Variants in COMMD9 observed in about 807,000 individuals in gnomAD.
The protein encoded by COMMD9 is COMM domain containing 9, also known as COMM domain-containing protein 9.
Under a neutral mutation model 23.4 loss-of-function variants are expected in COMMD9, and 22 were observed. That is an observed-to-expected ratio of 0.94 (90% CI 0.67 to 1.34). COMMD9 has a LOEUF of 1.34. Among genes scored for constraint, COMMD9 ranks in the 40% most tolerant of loss-of-function variants. The pLI, the probability that COMMD9 is intolerant of heterozygous loss-of-function variation, is 0.00. For missense variants in COMMD9, 231 were observed against 240.2 expected (o/e 0.96, Z 0.25); for synonymous variants, 99 against 97.4 (o/e 1.02, Z -0.10).
chr11:36,285,503 T>G (rs1309605164), intron 1 of COMMD9, among the ~76,000 whole-genome samples: 1 of 152,156 alleles, frequency 6.6e-6, no homozygotes, highest in Non-Finnish European at 1.5e-5. Context: ...TAAATGATTT[T>G]ATATAGCTAC....
At chr11:36,282,816 T>C (rs1856089268) in intron 1 of COMMD9, among the ~76,000 whole-genome samples, 1 of 152,204 alleles carries the variant, frequency 6.6e-6, no homozygotes. Flanking sequence ...ATAGGCCGTC[T>C]GCAAGCTGGA....
At chr11:36,278,305 G>A in intron 3 of COMMD9, 172 bp downstream of exon 3, 1 of 605,304 alleles carries the variant, frequency 1.7e-6, no homozygotes, top group African/African-American at 1.9e-5. Context: ...TTTCCATTAA[G>A]AAAAGACTAC....
intron 1 of COMMD9, among the ~76,000 whole-genome samples, chr11:36,287,040 T>C (rs1461464746): frequency 2.0e-5 from 3 of 151,574 alleles, no homozygotes; most frequent in Non-Finnish European, 4.4e-5. Context: ...ATAGTAAGTA[T>C]GCTATATATG....
At chr11:36,283,998 C>A (rs1007871463) in intron 1 of COMMD9, among the ~76,000 whole-genome samples, 11 of 152,066 alleles carry the variant, frequency 7.2e-5, no homozygotes, top group African/African-American at 2.4e-4. Flanking sequence ...AGCAGCTACT[C>A]AGGAGGCTGA....
chr11:36,277,190 A>G (rs1855988255), intron 3 of COMMD9, 67 bp from the exon 4 acceptor site: 1 of 1,254,444 alleles, frequency 8.0e-7, no homozygotes. Context: ...TCTGATAGAG[A>G]GGGGAACTGG....
rs556747712 is a variant in COMMD9, at chr11:36,287,426, T to C, written c.51+1936A>G. ...TGTATACTACATACTATGTATATCG[T>C]GTAGTATGTATACTCTATATTATAT... On this transcript the variant is annotated intron_variant, in intron 1 of 5. Transcript: ENST00000263401. Among the ~76,000 whole-genome samples, 922 of 147,716 alleles carry C rather than the reference T, an allele frequency of 6.2e-3. 444 individuals carry two copies. The highest frequency in any genetic ancestry group is 0.021 in the African/African-American group (849 of 39,558).
At chr11:36,282,958 A>C (rs1590403811) in intron 1 of COMMD9, among the ~76,000 whole-genome samples, 1 of 152,352 alleles carries the variant, frequency 6.6e-6, no homozygotes, top group East Asian at 1.9e-4. Context: ...TGCAAGTCCC[A>C]GAGTCCAAAA....
In COMMD9 at chr11:36,287,991, A is replaced by G. The variant is rs542460744; in HGVS notation, c.51+1371T>C. ...TCTTTTAAAGTTTTTAAAAGAAAAG[A>G]GTGCATAAGACCAACAGGTATAGGG... On this transcript the variant is annotated intron_variant, in intron 1 of 5. Coordinates refer to ENST00000263401, the MANE Select transcript of COMMD9 (RefSeq NM_014186.4). Among the ~76,000 whole-genome samples, 30 of 152,308 alleles carry G rather than the reference A, an allele frequency of 2.0e-4. No individual in the cohort carries two copies. In the South Asian group the frequency reaches 6.2e-3, roughly 32 times the overall value.
chr11:36,289,309 A>G, intron 1 of COMMD9, 53 bp downstream of exon 1: 1 of 1,523,422 alleles, frequency 6.6e-7, no homozygotes. Flanking sequence ...TGCTCCGTCT[A>G]AAGTCTCGGA....
At chr11:36,288,263 T>G (rs1169601205) in intron 1 of COMMD9, among the ~76,000 whole-genome samples, 1 of 143,878 alleles carries the variant, frequency 7.0e-6, no homozygotes, top group Non-Finnish European at 1.5e-5. Context: ...AATTAAAAAA[T>G]AAATAAGTAA....
rs1164564355 is a variant in COMMD9 at position 36,272,561 on chromosome 11, G to C, written c.*2071C>G. 1.3e-5 allele frequency: 2 copies of C among 151,670 alleles called. No homozygotes were observed. Among genetic ancestry groups the C allele is most frequent in the African/African-American group, 4.9e-5 (2 of 40,914 alleles). The allele number at this position is 151,670 out of a possible 1,614,324, so 9.4% of individuals were successfully genotyped here. On this transcript the variant is annotated 3_prime_UTR_variant, in exon 6 of 6. Coordinates refer to ENST00000263401, the MANE Select transcript of COMMD9 (RefSeq NM_014186.4). Reference sequence around the variant, plus strand: ...GTGACAAATCTGAGCTCAACTGGAGGGTATGACCAGGGGCTCTCAACTTGG... The same window carrying C: ...GTGACAAATCTGAGCTCAACTGGAGCGTATGACCAGGGGCTCTCAACTTGG...
chr11:36,281,604 G>C (rs1856068085), intron 1 of COMMD9, among the ~76,000 whole-genome samples: 1 of 152,148 alleles, frequency 6.6e-6, no homozygotes, highest in Admixed American at 6.5e-5. Context: ...ATGCCAAGTG[G>C]GGAACCTGGA....
chr11:36,285,810 G>A (rs1256332114), intron 1 of COMMD9, among the ~76,000 whole-genome samples: 1 of 152,088 alleles, frequency 6.6e-6, no homozygotes, highest in Non-Finnish European at 1.5e-5. Context: ...AATCAATGCA[G>A]AGAAAGCATT....
At position 36,273,081 on chromosome 11, in the gene COMMD9, A is replaced by G. The variant is rs970857798; in HGVS notation, c.*1551T>C. ...TTTAATTTTCACAAAAGTCCTATCA[A>G]GTAGGTACTACTATTATACTCATTT... On this transcript the variant is annotated 3_prime_UTR_variant, in exon 6 of 6. Transcript: ENST00000263401. The G allele has an allele frequency of 2.6e-5, 4 of 152,212 alleles. No individual in the cohort carries two copies. Among genetic ancestry groups the G allele is most frequent in the Non-Finnish European group, 5.9e-5 (4 of 68,040 alleles). The allele number at this position is 152,212 out of a possible 1,614,324, so 9.4% of individuals were successfully genotyped here. A position where few individuals can be genotyped will look rare whatever the true frequency, so the allele number is the denominator to read the frequency against.
chr11:36,283,452 C>T (rs750808902), intron 1 of COMMD9, among the ~76,000 whole-genome samples: 2 of 152,036 alleles, frequency 1.3e-5, no homozygotes, highest in Non-Finnish European at 2.9e-5. Flanking sequence ...TATAAAGGGA[C>T]GTAAAGTTTC....
At chr11:36,284,079 C>G (rs1413610202) in intron 1 of COMMD9, among the ~76,000 whole-genome samples, 1 of 151,400 alleles carries the variant, frequency 6.6e-6, no homozygotes, top group African/African-American at 2.4e-5. Flanking sequence ...GCACTCCAGC[C>G]TGGGTGACAG....
In COMMD9 at chr11:36,276,127, G is replaced by A. The variant is rs751077793; in HGVS notation, c.456+10C>T. 1.1e-5 allele frequency: 17 copies of A among 1,601,814 alleles called. No homozygotes were observed. Among genetic ancestry groups the A allele is most frequent in the Non-Finnish European group, 1.4e-5 (16 of 1,168,958 alleles). On this transcript the variant is annotated intron_variant, in intron 5 of 5. Transcript: ENST00000263401. Reference sequence around the variant, plus strand: ...GCCTCTTCTTTCTAATGGCATGATAGTGAATGTACCTTCATCTGGAGCAGG... The same window carrying A: ...GCCTCTTCTTTCTAATGGCATGATAATGAATGTACCTTCATCTGGAGCAGG...
At chr11:36,286,395 C>CAAAAAAAAAAAAA (rs138463305) in intron 1 of COMMD9, among the ~76,000 whole-genome samples, 224 of 76,666 alleles carry the variant, frequency 2.9e-3, no homozygotes, top group Non-Finnish European at 4.3e-3. Flanking sequence ...ACTAAAAATA[C>CAAAAAAAAAAAAA]AAAAAAAAAA....
At chr11:36,276,398 G>A (rs1213254595) in intron 4 of COMMD9, 158 bp from the exon 5 acceptor site, 9 of 608,238 alleles carry the variant, frequency 1.5e-5, no homozygotes, top group Admixed American at 1.1e-4. Context: ...GACCCACAGC[G>A]AGTCATGTGC....
Sources: gnomAD v4.1 joint callset for allele counts (sites outside exome capture counted in the v4.1 genomes callset) on GRCh38, gnomAD v4.1.1 for gene constraint, MANE v1.5 for transcripts, NCBI Gene and HGNC (gene_info 2026-07-23, HGNC 2026-07-21) for gene names.